MFAP3L: variants seen among roughly 807,000 people sequenced by gnomAD.
MFAP3L encodes microfibrillar-associated protein 3-like.
Under a neutral mutation model 20.0 loss-of-function variants are expected in MFAP3L, and 5 were observed. The observed-to-expected ratio is 0.25, with a 90% CI of 0.13 to 0.53. The LOEUF is 0.53. Ranked by LOEUF, MFAP3L falls within the 20% of genes least tolerant of loss-of-function variation. The probability of loss-of-function intolerance (pLI) is 0.96; values close to 1 mark genes in which losing one functional copy is unlikely to be tolerated. For synonymous variants in MFAP3L, 219 were observed against 213.0 expected (o/e 1.03, Z -0.25); for missense variants, 409 against 527.5 (o/e 0.78, Z 2.20).
intron 2 of MFAP3L, among the ~76,000 whole-genome samples, chr4:170,001,160 T>C (rs778285762): frequency 5.9e-5 from 9 of 152,218 alleles, no homozygotes; most frequent in Non-Finnish European, 1.5e-5. Context: ...CCTATTGATA[T>C]ATAAATATTA....
At chr4:170,002,512 CTTTTT>C (rs576564306) in intron 2 of MFAP3L, among the ~76,000 whole-genome samples, 1 of 151,710 alleles carries the variant, frequency 6.6e-6, no homozygotes, top group Non-Finnish European at 1.5e-5. Context: ...TATCATTTTT[CTTTTT>C]TTTGTTTTTT....
chr4:170,011,989 C>T (rs1462261504), intron 1 of MFAP3L, among the ~76,000 whole-genome samples: 1 of 152,074 alleles, frequency 6.6e-6, no homozygotes, highest in African/African-American at 2.4e-5. Context: ...TGTGCAAGAA[C>T]AGAGGAGGGG....
intron 2 of MFAP3L, among the ~76,000 whole-genome samples, chr4:170,004,650 T>C (rs1490835645): frequency 6.6e-6 from 1 of 152,190 alleles, no homozygotes; most frequent in African/African-American, 2.4e-5. Context: ...GCAATTAAGA[T>C]AAAATGAGGG....
At chr4:170,024,130 C>T (rs1740204262) in intron 1 of MFAP3L, among the ~76,000 whole-genome samples, 1 of 152,046 alleles carries the variant, frequency 6.6e-6, no homozygotes, top group Non-Finnish European at 1.5e-5. Flanking sequence ...TTTTTTTCTT[C>T]ATGAGCAGTA....
chr4:169,986,819 C>CTG lies in MFAP3L; in HGVS notation c.*4557_*4558dup, dbSNP rs1737308945. 1 of 152,206 alleles carries CTG rather than the reference C, an allele frequency of 6.6e-6. No homozygotes were observed. Among genetic ancestry groups the CTG allele is most frequent in the South Asian group, 2.1e-4 (1 of 4,830 alleles). The allele number at this position is 152,206 out of a possible 1,614,324, so 9.4% of individuals were successfully genotyped here. On this transcript the variant is annotated 3_prime_UTR_variant, in exon 3 of 3. Coordinates refer to ENST00000361618, the MANE Select transcript of MFAP3L (RefSeq NM_021647.8). ...TTTTAACAAAGGACATCCAGAACTA[C>CTG]TGAAATACAACAAACGAAATCTAAG...
At chr4:170,014,263 T>A (rs1391815417) in intron 1 of MFAP3L, among the ~76,000 whole-genome samples, 1 of 152,242 alleles carries the variant, frequency 6.6e-6, no homozygotes, top group Non-Finnish European at 1.5e-5. Flanking sequence ...CCAGTGAATT[T>A]ATGTCACCTG....
intron 1 of MFAP3L, among the ~76,000 whole-genome samples, chr4:170,020,746 C>T (rs1480513120): frequency 1.3e-5 from 2 of 151,814 alleles, no homozygotes; most frequent in Non-Finnish European, 2.9e-5. Context: ...CCTCCAGCCA[C>T]GTTCCCTTCC....
At chr4:170,012,790 A>C (rs1739463222) in intron 1 of MFAP3L, among the ~76,000 whole-genome samples, 1 of 152,182 alleles carries the variant, frequency 6.6e-6, no homozygotes, top group South Asian at 2.1e-4. Flanking sequence ...TGTTAGGATA[A>C]TTTCCAGCTA....
At chr4:169,996,781 G>A (rs1318605051) in intron 2 of MFAP3L, among the ~76,000 whole-genome samples, 3 of 152,168 alleles carry the variant, frequency 2.0e-5, no homozygotes, top group African/African-American at 7.2e-5. Context: ...CTGGAGCCCC[G>A]CCTGCTTCAC....
intron 2 of MFAP3L, among the ~76,000 whole-genome samples, chr4:169,999,931 T>C (rs561924563): frequency 6.6e-6 from 1 of 152,342 alleles, no homozygotes; most frequent in African/African-American, 2.4e-5. Context: ...CTGTGCAATG[T>C]AGGCTGTTTA....
chr4:169,998,810 C>T (rs569502512), intron 2 of MFAP3L, among the ~76,000 whole-genome samples: 7 of 152,258 alleles, frequency 4.6e-5, no homozygotes, highest in East Asian at 3.9e-4. Flanking sequence ...TCTGCCAAAA[C>T]GAGTATGTTA....
chr4:170,004,362 G>A (rs1264611091), intron 2 of MFAP3L, among the ~76,000 whole-genome samples: 1 of 151,936 alleles, frequency 6.6e-6, no homozygotes, highest in Non-Finnish European at 1.5e-5. Flanking sequence ...CCTCTTGGTG[G>A]GTAAAAGTTC....
chr4:170,026,636 C>T (rs13131269), upstream of MFAP3L, among the ~76,000 whole-genome samples: 1 of 152,176 alleles, frequency 6.6e-6, no homozygotes, highest in Admixed American at 6.5e-5. Context: ...TCCGCTCAGC[C>T]TCTGGGCCGG....
At position 169,988,413 on chromosome 4, in the gene MFAP3L, T is replaced by C. The variant is rs1367754644; in HGVS notation, c.*2965A>G. ...TTCAAGAAAAACATTGCTAGAGATA[T>C]GACCAGGATGACTCAGAAGCCAGAA... On this transcript the variant is annotated 3_prime_UTR_variant, in exon 3 of 3. Coordinates refer to ENST00000361618, the MANE Select transcript of MFAP3L (RefSeq NM_021647.8). 1 of 152,202 alleles carries C rather than the reference T, an allele frequency of 6.6e-6. No homozygotes were observed. The highest frequency in any genetic ancestry group is 1.5e-5 in the Non-Finnish European group (1 of 68,038). 9.4% of individuals were successfully genotyped at this position (152,202 alleles called of 1,614,324 possible).
chr4:170,022,412 G>T (rs1740092266), intron 1 of MFAP3L, among the ~76,000 whole-genome samples: 1 of 152,274 alleles, frequency 6.6e-6, no homozygotes, highest in Non-Finnish European at 1.5e-5. Flanking sequence ...TAATAGGACA[G>T]AATCCAAACT....
intron 1 of MFAP3L, among the ~76,000 whole-genome samples, chr4:170,016,777 T>C (rs1739727041): frequency 6.6e-6 from 1 of 152,192 alleles, no homozygotes; most frequent in Non-Finnish European, 1.5e-5. Flanking sequence ...TCTTAGACAG[T>C]TCTGGAAAAT....
intron 2 of MFAP3L, chr4:169,994,989 C>G (rs952530334): frequency 2.0e-5 from 3 of 151,772 alleles, no homozygotes; most frequent in African/African-American, 7.3e-5. Flanking sequence ...GAGCTGTAAC[C>G]ATCTAGTTAA....
At chr4:170,007,584 C>T (rs1242959428) in intron 1 of MFAP3L, among the ~76,000 whole-genome samples, 6 of 152,174 alleles carry the variant, frequency 3.9e-5, no homozygotes, top group Non-Finnish European at 7.4e-5. Context: ...TATAAAGCAT[C>T]CTTTATTGAA....
upstream of MFAP3L, chr4:170,026,983 AAG>A (rs1261034747): frequency 6.6e-6 from 1 of 152,150 alleles, no homozygotes; most frequent in African/African-American, 2.4e-5. Context: ...CCACAGATGG[AAG>A]AGTCTGGAAA....
Sources: gnomAD v4.1 joint callset for allele counts (sites outside exome capture counted in the v4.1 genomes callset) on GRCh38, gnomAD v4.1.1 for gene constraint, MANE v1.5 for transcripts, NCBI Gene and HGNC (gene_info 2026-07-23, HGNC 2026-07-21) for gene names.